Variants in BAIAP2 observed in about 807,000 individuals in gnomAD.
BAIAP2 encodes the protein BAR/IMD domain containing adaptor protein 2.
A neutral mutation model predicts 63.0 loss-of-function variants in BAIAP2; 18 were observed. The ratio of observed to expected loss-of-function variants is 0.29; its 90% CI spans 0.20 to 0.42. The LOEUF is 0.42. Ranked by LOEUF, BAIAP2 falls within the 10% of genes least tolerant of loss-of-function variation. The pLI, the probability that BAIAP2 is intolerant of heterozygous loss-of-function variation, is 1.00. For synonymous variants in BAIAP2, 386 were observed against 307.6 expected (o/e 1.25, Z -2.67); for missense variants, 610 against 734.3 (o/e 0.83, Z 1.96).
chr17:81,072,542 C>T (rs1285332234), intron 3 of BAIAP2, among the ~76,000 whole-genome samples: 1 of 152,228 alleles, frequency 6.6e-6, no homozygotes, highest in Non-Finnish European at 1.5e-5. Context: ...CACGTCCCCA[C>T]CCGAACCTGG....
intron 13 of BAIAP2, among the ~76,000 whole-genome samples, chr17:81,114,290 T>C (rs921542902): frequency 6.6e-6 from 1 of 151,756 alleles, no homozygotes; most frequent in African/African-American, 2.4e-5. Context: ...ATTTCTAATC[T>C]CCCCAGAGCT....
At chr17:81,038,129 G>C (rs967188151) in intron 1 of BAIAP2, among the ~76,000 whole-genome samples, 1 of 152,226 alleles carries the variant, frequency 6.6e-6, no homozygotes, top group Admixed American at 6.5e-5. Flanking sequence ...CGGGCCCAGC[G>C]CTTGCTCAGG....
chr17:81,084,786 C>T (rs762277193), intron 3 of BAIAP2, 46 bp from the exon 4 acceptor site: 40 of 1,591,214 alleles, frequency 2.5e-5, no homozygotes, highest in South Asian at 3.3e-5. Flanking sequence ...GTGGTGACTG[C>T]GAGCACCTGA....
chr17:81,056,218 G>A (rs1162199617), intron 2 of BAIAP2: 4 of 152,250 alleles, frequency 2.6e-5, no homozygotes, highest in Admixed American at 2.0e-4. Flanking sequence ...CACAGCACAC[G>A]ATGTCCAGAT....
At chr17:81,053,533 G>A in intron 1 of BAIAP2, 135 bp from the exon 2 acceptor site, 2 of 880,642 alleles carry the variant, frequency 2.3e-6, no homozygotes, top group Non-Finnish European at 3.7e-6. Flanking sequence ...AACTTGGGAA[G>A]CCCACCTTGA....
At chr17:81,093,146 T>C (rs2057076497) in intron 6 of BAIAP2, among the ~76,000 whole-genome samples, 1 of 150,984 alleles carries the variant, frequency 6.6e-6, no homozygotes, top group African/African-American at 2.4e-5. Context: ...CACGAGGACC[T>C]GAGTGTGAGG....
Position 81,046,496 on chromosome 17 carries a change from C to T in BAIAP2, c.55-7172C>T, listed in dbSNP as rs2047827613. Among the ~76,000 whole-genome samples, 1 of 152,170 alleles carries T rather than the reference C, an allele frequency of 6.6e-6. No homozygotes were observed. Among genetic ancestry groups the T allele is most frequent in the Admixed American group, 6.5e-5 (1 of 15,286 alleles). Reference sequence around the variant, plus strand: ...TCACACCCCCACAGCCCCCACTCCTCTTGCCCTGTGAGCCAGCTCCCAGGC... The same window carrying T: ...TCACACCCCCACAGCCCCCACTCCTTTTGCCCTGTGAGCCAGCTCCCAGGC... On this transcript the variant is annotated intron_variant, in intron 1 of 13. Coordinates refer to ENST00000428708, the MANE Select transcript of BAIAP2 (RefSeq NM_001144888.2). The surrounding 1 kb of genome is among the most constrained non-coding windows in gnomAD (Gnocchi z 4.5).
At chr17:81,088,217 G>A (rs986745272) in intron 6 of BAIAP2, among the ~76,000 whole-genome samples, 9 of 152,118 alleles carry the variant, frequency 5.9e-5, no homozygotes, top group Non-Finnish European at 1.2e-4. Flanking sequence ...ACCGAGGCCA[G>A]GTGTGAGAGC....
At position 81,103,624 on chromosome 17, in the gene BAIAP2, C is replaced by T. The variant is rs769846726; in HGVS notation, c.765C>T (p.Pro255=). ...TGGCCAGCAACGGCGCCACCCTCCC[C>T]AGCGCCCTGTCGGCCTCCAAGTCCA... ...QQVASNGATL[P]SALSASKSNL... is the part of the protein sequence containing the mutation. Residue 255 remains proline (P), a synonymous_variant, in exon 8 of 14, where the codon CCC becomes CCT. Coordinates refer to ENST00000428708, the MANE Select transcript of BAIAP2 (RefSeq NM_001144888.2). 2 of 1,605,838 alleles carry T rather than the reference C, an allele frequency of 1.2e-6. No individual in the cohort carries two copies. The highest frequency in any genetic ancestry group is 8.5e-7 in the Non-Finnish European group (1 of 1,179,106).
rs2060572580 is a variant in BAIAP2, at chr17:81,117,241, C to A, written c.*1402C>A. On this transcript the variant is annotated 3_prime_UTR_variant, in exon 14 of 14. Transcript: ENST00000428708. ...GCTGGCATCGGGTTCCTGGCACAGC[C>A]CCTCCTGTCCAGGACTTTATCATCG... is the stretch of plus-strand genomic sequence containing the variant. 6.6e-6 allele frequency: 1 copy of A among 152,238 alleles called. No homozygotes were observed. The highest frequency in any genetic ancestry group is 6.5e-5 in the Admixed American group (1 of 15,288). The allele number at this position is 152,238 out of a possible 1,614,324, so 9.4% of individuals were successfully genotyped here.
rs2049932059 is a variant in BAIAP2 at position 81,058,106 on chromosome 17, A to T, written c.217+139A>T. On this transcript the variant is annotated intron_variant, in intron 3 of 13. Coordinates refer to ENST00000428708, the MANE Select transcript of BAIAP2 (RefSeq NM_001144888.2). ...ATAGGAAAATATTTTAATGACAGTCACCCTGGGAGCTGCCTTGTGGGGCAC... is the reference window on the plus strand; with the variant it reads ...ATAGGAAAATATTTTAATGACAGTCTCCCTGGGAGCTGCCTTGTGGGGCAC... 1.2e-5 allele frequency: 9 copies of T among 721,708 alleles called. No homozygotes were observed. In the South Asian group the frequency reaches 1.9e-4, roughly 15 times the overall value. 44.7% of individuals were successfully genotyped at this position (721,708 alleles called of 1,614,324 possible).
chr17:81,096,680 G>C (rs750984745), intron 6 of BAIAP2, among the ~76,000 whole-genome samples: 38 of 152,276 alleles, frequency 2.5e-4, no homozygotes, highest in Non-Finnish European at 5.4e-4. Context: ...GAGTCCAGCA[G>C]CCAGGCTGAG....
At chr17:81,067,294 G>A (rs544132317) in intron 3 of BAIAP2, among the ~76,000 whole-genome samples, 1 of 152,310 alleles carries the variant, frequency 6.6e-6, no homozygotes, top group South Asian at 2.1e-4. Flanking sequence ...CGCCCCATGG[G>A]GATCTTTCAG....
intron 11 of BAIAP2, 121 bp downstream of exon 11, chr17:81,106,267 G>A (rs550450472): frequency 3.7e-6 from 4 of 1,080,682 alleles, no homozygotes; most frequent in Non-Finnish European, 5.4e-6. Flanking sequence ...GCTACCGCAG[G>A]GCCATCCCCA....
intron 6 of BAIAP2, among the ~76,000 whole-genome samples, chr17:81,092,324 C>A (rs1419447061): frequency 1.3e-5 from 2 of 152,218 alleles, no homozygotes; most frequent in South Asian, 2.1e-4. Flanking sequence ...CACTGCCCGC[C>A]TCCACTGCCG....
At chr17:81,062,669 G>A (rs1598590425) in intron 3 of BAIAP2, among the ~76,000 whole-genome samples, 1 of 148,668 alleles carries the variant, frequency 6.7e-6, no homozygotes, top group Admixed American at 6.9e-5. Context: ...CACCATTTGG[G>A]GAATTGTCTT....
At chr17:81,036,979 T>G in intron 1 of BAIAP2, 1 of 1,533,574 alleles carries the variant, frequency 6.5e-7, no homozygotes, top group Non-Finnish European at 8.7e-7. Flanking sequence ...CATGGAGTGG[T>G]TTTGCTCTGG....
chr17:81,103,972 C>T lies in BAIAP2; in HGVS notation c.930C>T (p.Tyr310=), dbSNP rs780198712. ...NGVTGPDGED[Y]SPWADRKAAQ... is the part of the protein sequence containing the mutation. ...TCACAGGCCCGGATGGCGAGGACTACAGCCCGTGGGCTGACCGCAAGGCTG... is the reference window on the plus strand; with the variant it reads ...TCACAGGCCCGGATGGCGAGGACTATAGCCCGTGGGCTGACCGCAAGGCTG... The change falls in exon 9 of 14, where the codon TAC becomes TAT. Residue 310 remains tyrosine, a synonymous_variant. Transcript: ENST00000428708. 2 of 1,613,002 alleles carry T rather than the reference C, an allele frequency of 1.2e-6. No homozygotes were observed. Among genetic ancestry groups the T allele is most frequent in the African/African-American group, 2.7e-5 (2 of 74,942 alleles).
intron 3 of BAIAP2, among the ~76,000 whole-genome samples, chr17:81,059,794 A>T (rs2050230552): frequency 6.6e-6 from 1 of 151,726 alleles, no homozygotes; most frequent in African/African-American, 2.4e-5. Context: ...TGTTGAGGAG[A>T]TGAGGTAGAG....
Sources: allele counts gnomAD v4.1 joint callset (sites outside exome capture counted in the v4.1 genomes callset), GRCh38; gene constraint gnomAD v4.1.1; non-coding constraint Gnocchi (gnomAD v3.1); transcripts MANE v1.5; gene names NCBI Gene and HGNC (gene_info 2026-07-23, HGNC 2026-07-21).